The following EIF4E1B variants were observed in gnomAD, a reference collection of about 807,000 sequenced individuals.
The protein encoded by EIF4E1B is eukaryotic translation initiation factor 4E family member 1B.
Under a neutral mutation model 31.3 loss-of-function variants are expected in EIF4E1B, and 22 were observed. That is an observed-to-expected ratio of 0.70 (90% CI 0.50 to 1.00). EIF4E1B has a LOEUF of 1.00. EIF4E1B is among the 50% of genes least tolerant of loss of function. The pLI, the probability that EIF4E1B is intolerant of heterozygous loss-of-function variation, is 0.00. For missense variants in EIF4E1B, 290 were observed against 311.6 expected (o/e 0.93, Z 0.52); for synonymous variants, 126 against 120.2 (o/e 1.05, Z -0.31).
chr5:176,634,438 G>T (rs1282787745), intron 1 of EIF4E1B, among the ~76,000 whole-genome samples: 1 of 152,112 alleles, frequency 6.6e-6, no homozygotes, highest in Admixed American at 6.5e-5. Flanking sequence ...CTGTCAGTGT[G>T]ATGTCATTGA....
At chr5:176,644,847 C>T (rs529174778) in intron 6 of EIF4E1B, among the ~76,000 whole-genome samples, 3 of 152,328 alleles carry the variant, frequency 2.0e-5, no homozygotes, top group African/African-American at 7.2e-5. Context: ...GCATTGGGGT[C>T]TGCCCCTGAG....
At chr5:176,631,880 G>GT (rs200979792) in intron 1 of EIF4E1B, among the ~76,000 whole-genome samples, 2,885 of 152,234 alleles carry the variant, frequency 0.019, 107 homozygotes, top group African/African-American at 0.066. Flanking sequence ...ACTGTAGCAT[G>GT]TTTTTTTGTA....
At position 176,643,113 on chromosome 5, in the gene EIF4E1B, GGGA is replaced by G. The variant is rs764828988; in HGVS notation, c.58_60del (p.Glu20del). On this transcript the variant is annotated inframe_deletion, in exon 4 of 9. Coordinates refer to ENST00000318682, the MANE Select transcript of EIF4E1B (RefSeq NM_001099408.2). The stretch of plus-strand genomic sequence containing the variant: ...GAAGCTGAGGGTGGAATCCGAGAGT[GGGA>G]GGAGGAGGAGAAGGAGGAGGAGGCA... 1 of 1,613,508 alleles carries G rather than the reference GGGA, an allele frequency of 6.2e-7. No individual in the cohort carries two copies. Among genetic ancestry groups the G allele is most frequent in the Non-Finnish European group, 8.5e-7 (1 of 1,179,666 alleles).
At chr5:176,639,824 G>C (rs1342342174) in intron 1 of EIF4E1B, among the ~76,000 whole-genome samples, 1 of 152,092 alleles carries the variant, frequency 6.6e-6, no homozygotes, top group Non-Finnish European at 1.5e-5. Flanking sequence ...TTTCTCGGGA[G>C]GCTGAGGAGG....
In EIF4E1B at chr5:176,646,148, T is replaced by G; in HGVS notation, c.*168T>G. ...GAGTTGGGGCCTGAGCCTTAGGGGCTAGATGGGGGTAGTGGTGGCAGTCTG... is the reference window on the plus strand; with the variant it reads ...GAGTTGGGGCCTGAGCCTTAGGGGCGAGATGGGGGTAGTGGTGGCAGTCTG... On this transcript the variant is annotated 3_prime_UTR_variant, in exon 9 of 9. Transcript: ENST00000318682. 1.6e-6 allele frequency: 1 copy of G among 610,386 alleles called. No homozygotes were observed. Among genetic ancestry groups the G allele is most frequent in the South Asian group, 2.1e-5 (1 of 46,524 alleles). The allele number at this position is 610,386 out of a possible 1,614,324, so 37.8% of individuals were successfully genotyped here. A position where few individuals can be genotyped will look rare whatever the true frequency, so the allele number is the denominator to read the frequency against.
intron 3 of EIF4E1B, 68 bp from the exon 4 acceptor site, chr5:176,643,014 G>T (rs913849408): frequency 7.4e-5 from 114 of 1,539,834 alleles, no homozygotes; most frequent in Non-Finnish European, 9.2e-5. Flanking sequence ...CAGGGGATGG[G>T]CAGGGTGGGC....
chr5:176,634,659 GTTTT>G (rs879935832), intron 1 of EIF4E1B, among the ~76,000 whole-genome samples: 30 of 136,240 alleles, frequency 2.2e-4, no homozygotes, highest in African/African-American at 7.8e-4. Flanking sequence ...AATTCCTGAA[GTTTT>G]TTTTTTTTTC....
intron 4 of EIF4E1B, 62 bp downstream of exon 4, chr5:176,643,328 A>G: frequency 6.5e-7 from 1 of 1,533,738 alleles, no homozygotes; most frequent in Non-Finnish European, 8.8e-7. Context: ...CTGTGCTGGC[A>G]GCGTGGCCTT....
intron 1 of EIF4E1B, among the ~76,000 whole-genome samples, chr5:176,641,481 A>C (rs1164402983): frequency 6.6e-6 from 1 of 152,186 alleles, no homozygotes; most frequent in African/African-American, 2.4e-5. Context: ...GCCGCTCTGA[A>C]GCCCCAGCTT....
chr5:176,642,854 C>A (rs1171330383), intron 3 of EIF4E1B, 52 bp downstream of exon 3: 2 of 1,253,474 alleles, frequency 1.6e-6, no homozygotes, highest in South Asian at 1.7e-5. Context: ...CGCCCTCTCC[C>A]CCCCCCCCCC....
chr5:176,636,688 G>A (rs770403386), intron 1 of EIF4E1B, among the ~76,000 whole-genome samples: 1 of 152,200 alleles, frequency 6.6e-6, no homozygotes, highest in Non-Finnish European at 1.5e-5. Context: ...GAGGGGAACC[G>A]GGGACATTTA....
At chr5:176,644,095 C>T (rs1314839502) in intron 5 of EIF4E1B, 4 of 572,720 alleles carry the variant, frequency 7.0e-6, no homozygotes, top group African/African-American at 5.6e-5. Context: ...CTACACAAGC[C>T]CTAGGGAGGG....
Position 176,638,138 on chromosome 5 carries a change from T to C in EIF4E1B, c.-201-3905T>C, listed in dbSNP as rs553977046. ...GGTGTCAGGAATTCATCTTTGGACA[T>C]GGTAGCTCTGAGATGCATAGTAGAT... On this transcript the variant is annotated intron_variant, in intron 1 of 8. Transcript: ENST00000318682. The surrounding 1 kb of genome is among the most constrained non-coding windows in gnomAD (Gnocchi z 4.3). 2.5e-4 allele frequency among the ~76,000 whole-genome samples: 38 copies of C among 152,248 alleles called. No individual in the cohort carries two copies. Among genetic ancestry groups the C allele is most frequent in the African/African-American group, 8.7e-4 (36 of 41,544 alleles).
At position 176,642,861 on chromosome 5, in the gene EIF4E1B, C is replaced by CA. The variant is rs1554151075; in HGVS notation, c.15+59_15+60insA. The stretch of plus-strand genomic sequence containing the variant: ...CATGGCCCCGCCCTCTCCCCCCCCC[C>CA]CCCCGCCCCAGGTGGGCGGGGCAGG... On this transcript the variant is annotated intron_variant, in intron 3 of 8. Coordinates refer to ENST00000318682, the MANE Select transcript of EIF4E1B (RefSeq NM_001099408.2). 1.3e-4 allele frequency: 146 copies of CA among 1,123,764 alleles called. 11 individuals are homozygous for CA. Among genetic ancestry groups the CA allele is most frequent in the East Asian group, 7.0e-4 (19 of 27,144 alleles). 69.6% of individuals were successfully genotyped at this position (1,123,764 alleles called of 1,614,324 possible). A position where few individuals can be genotyped will look rare whatever the true frequency, so the allele number is the denominator to read the frequency against.
At chr5:176,636,991 A>G (rs373245463) in intron 1 of EIF4E1B, among the ~76,000 whole-genome samples, 1 of 152,214 alleles carries the variant, frequency 6.6e-6, no homozygotes. Context: ...TAGAAACCAC[A>G]AAAGACGCTT....
chr5:176,636,844 C>T (rs1177425934), intron 1 of EIF4E1B, among the ~76,000 whole-genome samples: 1 of 152,228 alleles, frequency 6.6e-6, no homozygotes, highest in Non-Finnish European at 1.5e-5. Flanking sequence ...TTGTTCTTTT[C>T]AATCAGTTTT....
At chr5:176,644,525 G>T in intron 6 of EIF4E1B, 86 bp downstream of exon 6, 3 of 1,353,692 alleles carry the variant, frequency 2.2e-6, no homozygotes, top group South Asian at 1.3e-5. Context: ...CCTCAGAGGG[G>T]TGGGGGTGGG....
chr5:176,639,577 C>G (rs970149706), intron 1 of EIF4E1B, among the ~76,000 whole-genome samples: 1 of 152,130 alleles, frequency 6.6e-6, no homozygotes, highest in South Asian at 2.1e-4. Context: ...GTAGCTAAGA[C>G]CATGCCCGGT....
Position 176,645,293 on chromosome 5 carries a change from C to T in EIF4E1B, c.474+50C>T. 6.3e-7 allele frequency: 1 copy of T among 1,586,642 alleles called. No individual in the cohort carries two copies. On this transcript the variant is annotated intron_variant, in intron 7 of 8. Transcript: ENST00000318682. This position sits in a 1 kb window ranked among gnomAD's most constrained non-coding sequence, Gnocchi z 5.4. ...AGGGGAAGAGACGGGCTGTGTGGGT[C>T]TCATGGTGGCAGTGGTCTCAAGGAT...
Sources: allele counts gnomAD v4.1 joint callset (sites outside exome capture counted in the v4.1 genomes callset), GRCh38; gene constraint gnomAD v4.1.1; non-coding constraint Gnocchi (gnomAD v3.1); transcripts MANE v1.5; gene names NCBI Gene and HGNC (gene_info 2026-07-23, HGNC 2026-07-21).